Variants in CDC14A observed in about 807,000 individuals in gnomAD.
CDC14A encodes cell division cycle 14A.
In CDC14A, 53 loss-of-function variants were observed where a neutral mutation model predicts 74.4. The ratio of observed to expected loss-of-function variants is 0.71; its 90% CI spans 0.57 to 0.89. The LOEUF (loss-of-function observed/expected upper bound fraction) is 0.89, where lower values mean the gene tolerates loss of function less well. Ranked by LOEUF, CDC14A falls within the 40% of genes least tolerant of loss-of-function variation. The probability of loss-of-function intolerance (pLI) is 0.00; values close to 1 mark genes in which losing one functional copy is unlikely to be tolerated. For synonymous variants in CDC14A, 247 were observed against 258.4 expected (o/e 0.96, Z 0.43); for missense variants, 646 against 713.7 (o/e 0.91, Z 1.08).
chr1:100,496,387 T>C (rs1166687930), intron 13 of CDC14A, among the ~76,000 whole-genome samples: 7 of 152,228 alleles, frequency 4.6e-5, no homozygotes, highest in Admixed American at 4.6e-4. Flanking sequence ...TAAATTGTTT[T>C]CATTTTTATT....
At chr1:100,347,516 G>C (rs58289633), upstream of CDC14A, among the ~76,000 whole-genome samples, 570 of 152,296 alleles carry the variant, frequency 3.7e-3, 4 homozygotes, top group African/African-American at 0.013. Context: ...ATGTGGCTGG[G>C]TTAGGCTAAG....
intron 4 of CDC14A, among the ~76,000 whole-genome samples, chr1:100,409,711 C>T (rs981718110): frequency 1.3e-5 from 2 of 152,204 alleles, no homozygotes; most frequent in African/African-American, 4.8e-5. Flanking sequence ...GCCCTTGACT[C>T]CTGTCACCAA....
chr1:100,436,284 T>C (rs1664328796), intron 5 of CDC14A, among the ~76,000 whole-genome samples: 1 of 152,186 alleles, frequency 6.6e-6, no homozygotes, highest in East Asian at 1.9e-4. Context: ...ACTTACAAAA[T>C]GGGAGGGAAT....
chr1:100,393,322 G>C, intron 4 of CDC14A: 1 of 1,045,802 alleles, frequency 9.6e-7, no homozygotes, highest in Non-Finnish European at 1.5e-6. Context: ...CATCCATGCT[G>C]TGACATTAGT....
At chr1:100,373,993 C>T (rs1241900682) in intron 2 of CDC14A, among the ~76,000 whole-genome samples, 2 of 152,108 alleles carry the variant, frequency 1.3e-5, no homozygotes, top group Non-Finnish European at 2.9e-5. Context: ...TGTGATGTTC[C>T]CCTTCCTGTG....
At chr1:100,351,169 G>A (rs1447748646), upstream of CDC14A, among the ~76,000 whole-genome samples, 1 of 152,012 alleles carries the variant, frequency 6.6e-6, no homozygotes, top group Non-Finnish European at 1.5e-5. Flanking sequence ...ACTCCGGCCT[G>A]GGTGACAGAG....
intron 9 of CDC14A, among the ~76,000 whole-genome samples, chr1:100,465,863 C>A (rs1315536319): frequency 2.0e-5 from 3 of 152,142 alleles, no homozygotes; most frequent in Non-Finnish European, 4.4e-5. Flanking sequence ...AACTATAAAG[C>A]AATTGGTGTT....
rs1257937225 is a variant in CDC14A, at chr1:100,408,298, TTAAA to T, written c.310-15921_310-15918del. Among the ~76,000 whole-genome samples, 15 of 152,354 alleles carry T rather than the reference TTAAA, an allele frequency of 9.8e-5. No homozygotes were observed. In the East Asian group the frequency reaches 2.9e-3, roughly 29 times the overall value. ...TTCCATGGTATATATGTACCACATT[TTAAA>T]TATCCATTCTACCATTGATGGGTAT... On this transcript the variant is annotated intron_variant, in intron 4 of 15. Transcript: ENST00000336454.
upstream of CDC14A, among the ~76,000 whole-genome samples, chr1:100,352,111 G>A (rs548360141): frequency 7.2e-5 from 11 of 152,174 alleles, no homozygotes; most frequent in Non-Finnish European, 1.3e-4. Flanking sequence ...ACAAGACTTA[G>A]AGGGTGCAGA....
intron 5 of CDC14A, among the ~76,000 whole-genome samples, chr1:100,427,563 A>G (rs533706302): frequency 2.0e-4 from 30 of 152,282 alleles, no homozygotes; most frequent in African/African-American, 6.7e-4. Context: ...CATTTTATGT[A>G]TTACAAGGCT....
intron 4 of CDC14A, among the ~76,000 whole-genome samples, chr1:100,403,622 A>C (rs1214423815): frequency 1.3e-5 from 2 of 152,216 alleles, no homozygotes; most frequent in African/African-American, 4.8e-5. Context: ...CTTTTTGGGA[A>C]AATCTGAGTT....
At chr1:100,391,103 G>A in intron 4 of CDC14A, 1 of 414,392 alleles carries the variant, frequency 2.4e-6, no homozygotes, top group African/African-American at 2.1e-5. Flanking sequence ...TACCTACCAA[G>A]GACATTTCTA....
chr1:100,431,080 A>G lies in CDC14A; in HGVS notation c.389+6779A>G, dbSNP rs1210657884. Among the ~76,000 whole-genome samples, 4 of 152,190 alleles carry G rather than the reference A, an allele frequency of 2.6e-5. No homozygotes were observed. The South Asian group carries it at 6.2e-4, about 24-fold the overall frequency. ...TCTTAACAGCTGGGGCATATTTTGA[A>G]TAAGTGTACCCCCATGAAAAAAGAC... On this transcript the variant is annotated intron_variant, in intron 5 of 15. Transcript: ENST00000336454.
chr1:100,436,902 T>A (rs1416121764), intron 5 of CDC14A, among the ~76,000 whole-genome samples: 2 of 152,216 alleles, frequency 1.3e-5, no homozygotes, highest in African/African-American at 4.8e-5. Flanking sequence ...AATTCACCTT[T>A]TGGTCAGGTG....
chr1:100,392,586 C>T (rs1248652951), intron 4 of CDC14A, among the ~76,000 whole-genome samples: 2 of 151,988 alleles, frequency 1.3e-5, no homozygotes, highest in African/African-American at 4.8e-5. Context: ...ATGATGGTAA[C>T]GATGACTCTG....
At chr1:100,482,286 T>C (rs2101348365) in intron 10 of CDC14A, among the ~76,000 whole-genome samples, 1 of 152,320 alleles carries the variant, frequency 6.6e-6, no homozygotes, top group Non-Finnish European at 1.5e-5. Flanking sequence ...CTTTCCTGTA[T>C]TTTTGGTATC....
intron 2 of CDC14A, chr1:100,363,040 C>G (rs557179335): frequency 6.6e-6 from 1 of 152,324 alleles, no homozygotes; most frequent in East Asian, 1.9e-4. Flanking sequence ...TTACATAGGG[C>G]CCGCAGATTG....
Position 100,462,865 on chromosome 1 carries a change from C to T in CDC14A, c.822C>T (p.Ile274=), listed in dbSNP as rs74667145. 468 of 1,613,654 alleles carry T rather than the reference C, an allele frequency of 2.9e-4. 1 individual carries two copies. In the African/African-American group the frequency reaches 5.3e-3, roughly 18 times the overall value. The change falls in exon 9 of 16, where the codon ATC becomes ATT. Residue 274 remains isoleucine, a synonymous_variant. Transcript: ENST00000336454. ...TCTGTGAGAACACCGAAGGGGCCATCGCCGTTCACTGCAAAGGTGTGTGCA... is the reference window on the plus strand; with the variant it reads ...TCTGTGAGAACACCGAAGGGGCCATTGCCGTTCACTGCAAAGGTGTGTGCA... ...LNICENTEGA[I]AVHCKAGLGR...
At chr1:100,436,520 G>A (rs918639639) in intron 5 of CDC14A, among the ~76,000 whole-genome samples, 5 of 152,006 alleles carry the variant, frequency 3.3e-5, no homozygotes. Context: ...TGCCTCCCGG[G>A]TTCAAGCTAT....
Sources: gnomAD v4.1 joint callset for allele counts (sites outside exome capture counted in the v4.1 genomes callset) on GRCh38, gnomAD v4.1.1 for gene constraint, MANE v1.5 for transcripts, NCBI Gene and HGNC (gene_info 2026-07-23, HGNC 2026-07-21) for gene names.